The following UST variants were observed in gnomAD, a reference collection of about 807,000 sequenced individuals.
The protein encoded by UST is uronyl 2-sulfotransferase.
In UST, 21 loss-of-function variants were observed where a neutral mutation model predicts 45.6. The observed-to-expected ratio is 0.46, with a 90% CI of 0.33 to 0.66. The LOEUF is 0.66. Among genes scored for constraint, UST ranks in the 30% least tolerant of loss-of-function variants. The pLI is 0.02. For synonymous variants in UST, 215 were observed against 200.6 expected (o/e 1.07, Z -0.61); for missense variants, 463 against 512.4 (o/e 0.90, Z 0.93).
At chr6:148,776,974 G>A (rs976120021) in intron 1 of UST, among the ~76,000 whole-genome samples, 12 of 152,156 alleles carry the variant, frequency 7.9e-5, no homozygotes, top group African/African-American at 2.7e-4. Context: ...CAAGTGGCTG[G>A]TCGTAGCAGC....
At chr6:149,043,269 C>A (rs1232053880) in intron 7 of UST, among the ~76,000 whole-genome samples, 1 of 151,344 alleles carries the variant, frequency 6.6e-6, no homozygotes, top group Non-Finnish European at 1.5e-5. Context: ...TGCCGCCATA[C>A]CCACTTATTT....
intron 1 of UST, among the ~76,000 whole-genome samples, chr6:148,865,713 T>TGTGG (rs1441709753): frequency 8.7e-5 from 7 of 80,172 alleles, no homozygotes; most frequent in South Asian, 4.6e-4. Flanking sequence ...TGTGTGTGTG[T>TGTGG]GAATTCAGAG....
At chr6:148,879,477 A>G (rs931903887) in intron 1 of UST, among the ~76,000 whole-genome samples, 24 of 152,226 alleles carry the variant, frequency 1.6e-4, no homozygotes, top group African/African-American at 4.6e-4. Flanking sequence ...CAGTAGAATT[A>G]TGTGAGGAAC....
intron 1 of UST, among the ~76,000 whole-genome samples, chr6:148,792,419 C>A (rs897970946): frequency 1.3e-5 from 2 of 152,138 alleles, no homozygotes; most frequent in African/African-American, 4.8e-5. Context: ...ACCCCAAAGT[C>A]GCCTGGGCCT....
chr6:148,946,831 A>C lies in UST; in HGVS notation c.447+5397A>C, dbSNP rs1177748252. Reference sequence around the variant, plus strand: ...TCCATCCCAAAAAAAAAAAAAAAAAAAAAAAAAAAAAGGTGCACTCATTCA... The same window carrying C: ...TCCATCCCAAAAAAAAAAAAAAAAACAAAAAAAAAAAGGTGCACTCATTCA... On this transcript the variant is annotated intron_variant, in intron 3 of 7. Coordinates refer to ENST00000367463, the MANE Select transcript of UST (RefSeq NM_005715.3). Among the ~76,000 whole-genome samples the C allele has an allele frequency of 3.8e-4, 44 of 114,514 alleles. 1 individual carries two copies. Among genetic ancestry groups the C allele is most frequent in the Admixed American group, 1.0e-3 (12 of 11,936 alleles). The allele number at this position is 114,514 out of a possible 152,430, so 75.1% of individuals were successfully genotyped here.
chr6:148,844,702 T>G (rs1777951457), intron 1 of UST, among the ~76,000 whole-genome samples: 1 of 152,196 alleles, frequency 6.6e-6, no homozygotes, highest in South Asian at 2.1e-4. Flanking sequence ...GGGGTACATG[T>G]GTAGGATTGT....
chr6:149,026,811 A>G (rs1289755289), intron 7 of UST, among the ~76,000 whole-genome samples: 1 of 152,178 alleles, frequency 6.6e-6, no homozygotes, highest in African/African-American at 2.4e-5. Context: ...CTAGCACTAC[A>G]TTAGTATTCA....
rs373012978 is a variant in UST, at chr6:149,007,490, C to T, written c.682-11649C>T. ...TTTTTTTTTTTTTTTTTAGTAGAGA[C>T]GGGGTTTCACCATGGTCTCGATCTC... On this transcript the variant is annotated intron_variant, in intron 5 of 7. Coordinates refer to ENST00000367463, the MANE Select transcript of UST (RefSeq NM_005715.3). 1.9e-3 allele frequency among the ~76,000 whole-genome samples: 282 copies of T among 146,928 alleles called. 1 individual carries two copies. The highest frequency in any genetic ancestry group is 6.4e-3 in the African/African-American group (254 of 39,726).
At chr6:148,959,972 C>T (rs143819752) in intron 4 of UST, among the ~76,000 whole-genome samples, 28 of 152,052 alleles carry the variant, frequency 1.8e-4, no homozygotes, top group African/African-American at 6.3e-4. Flanking sequence ...GTTACTGTGA[C>T]GGGCTCCAGC....
intron 7 of UST, among the ~76,000 whole-genome samples, chr6:149,031,343 C>T (rs1776138601): frequency 6.6e-6 from 1 of 151,944 alleles, no homozygotes; most frequent in African/African-American, 2.4e-5. Flanking sequence ...TTTTAGTGAA[C>T]ATTTTTCTGA....
intron 1 of UST, among the ~76,000 whole-genome samples, chr6:148,837,094 C>G (rs1777797551): frequency 2.0e-5 from 3 of 152,122 alleles, no homozygotes; most frequent in Non-Finnish European, 4.4e-5. Context: ...TAGGTATTAT[C>G]AGTACACCTG....
chr6:148,975,150 G>A (rs928185320), intron 5 of UST, among the ~76,000 whole-genome samples: 6 of 152,182 alleles, frequency 3.9e-5, no homozygotes, highest in East Asian at 1.9e-4. Context: ...AAAATTAGCC[G>A]AGACCAGTCT....
chr6:149,020,048 C>G (rs1582962586), intron 6 of UST, among the ~76,000 whole-genome samples: 2 of 152,174 alleles, frequency 1.3e-5, no homozygotes, highest in South Asian at 2.1e-4. Context: ...TGACATTATT[C>G]CCCAAAGGAA....
chr6:148,907,165 T>G (rs1171362632), intron 2 of UST, among the ~76,000 whole-genome samples: 1 of 152,226 alleles, frequency 6.6e-6, no homozygotes, highest in Non-Finnish European at 1.5e-5. Flanking sequence ...TGTTTTCACT[T>G]GTATTCAGTC....
At chr6:149,008,384 A>G (rs1447604117) in intron 5 of UST, among the ~76,000 whole-genome samples, 1 of 152,176 alleles carries the variant, frequency 6.6e-6, no homozygotes, top group South Asian at 2.1e-4. Context: ...TTCATGGTGT[A>G]TGTGCTTGAG....
At chr6:148,929,503 A>T (rs1218486382) in intron 2 of UST, among the ~76,000 whole-genome samples, 1 of 152,232 alleles carries the variant, frequency 6.6e-6, no homozygotes, top group Non-Finnish European at 1.5e-5. Context: ...AGCCATCATG[A>T]AACATAAGAA....
chr6:148,882,392 A>G (rs1476661041), intron 1 of UST, among the ~76,000 whole-genome samples: 3 of 149,338 alleles, frequency 2.0e-5, no homozygotes, highest in African/African-American at 7.4e-5. Flanking sequence ...AGGCTGAGGC[A>G]GGAGAATTGC....
chr6:148,807,579 G>C (rs1777174891), intron 1 of UST, among the ~76,000 whole-genome samples: 2 of 152,168 alleles, frequency 1.3e-5, no homozygotes, highest in Admixed American at 6.5e-5. Flanking sequence ...AGGAGTAGGA[G>C]ACAGGGGGCT....
At chr6:148,878,957 T>C (rs1364275544) in intron 1 of UST, among the ~76,000 whole-genome samples, 1 of 151,990 alleles carries the variant, frequency 6.6e-6, no homozygotes, top group Non-Finnish European at 1.5e-5. Flanking sequence ...AGGGTGATGC[T>C]CTTAGTTCCT....
Sources: gnomAD v4.1 joint callset for allele counts (sites outside exome capture counted in the v4.1 genomes callset) on GRCh38, gnomAD v4.1.1 for gene constraint, MANE v1.5 for transcripts, NCBI Gene and HGNC (gene_info 2026-07-23, HGNC 2026-07-21) for gene names.